The following AP4E1 variants were observed in gnomAD, a reference collection of about 807,000 sequenced individuals.
AP4E1 encodes AP-4 complex subunit epsilon-1.
AP4E1 carries 56 observed loss-of-function variants against 128.2 expected under a neutral mutation model. The observed-to-expected ratio is 0.44, with a 90% CI of 0.35 to 0.55. AP4E1 has a LOEUF of 0.55. AP4E1 is among the 20% of genes least tolerant of loss of function. The pLI is 0.00. For missense variants in AP4E1, 1,324 were observed against 1,307.7 expected, an observed-to-expected ratio of 1.01 and a Z score of -0.19; for synonymous variants, 484 against 473.1, an observed-to-expected ratio of 1.02 and a Z score of -0.30.
Position 50,930,957 on chromosome 15 carries a change from A to G in AP4E1, c.855A>G (p.Gly285=), listed in dbSNP as rs1285508848. The G allele has an allele frequency of 6.2e-7, 1 of 1,614,130 alleles. No homozygotes were observed. The highest frequency in any genetic ancestry group is 1.7e-5 in the Admixed American group (1 of 60,026). ...TCTTGAGAATACTGGGACTTCTAGGAAAAGATGATCAAAGGTAAACTATTT... is the reference window on the plus strand; with the variant it reads ...TCTTGAGAATACTGGGACTTCTAGGGAAAGATGATCAAAGGTAAACTATTT... ...IQLLRILGLL[G]KDDQRTSELM... is the part of the protein sequence containing the mutation. Residue 285 remains glycine (G), a synonymous_variant, in exon 7 of 21, where the codon GGA becomes GGG. Coordinates refer to ENST00000261842, the MANE Select transcript of AP4E1 (RefSeq NM_007347.5).
At chr15:50,952,296 G>T (rs981799015) in intron 13 of AP4E1, among the ~76,000 whole-genome samples, 1 of 151,964 alleles carries the variant, frequency 6.6e-6, no homozygotes, top group Non-Finnish European at 1.5e-5. Flanking sequence ...GGATCACGAG[G>T]TCAGGAGATC....
At chr15:50,984,924 A>G (rs1334914829) in intron 16 of AP4E1, among the ~76,000 whole-genome samples, 2 of 152,224 alleles carry the variant, frequency 1.3e-5, no homozygotes, top group East Asian at 3.9e-4. Context: ...AGTCCCACCA[A>G]CAGTGTAAAA....
intron 15 of AP4E1, among the ~76,000 whole-genome samples, chr15:50,970,073 C>G (rs2064457901): frequency 6.6e-6 from 1 of 152,044 alleles, no homozygotes; most frequent in South Asian, 2.1e-4. Context: ...ATTTTTTATC[C>G]TTTACCCTAT....
intron 8 of AP4E1, among the ~76,000 whole-genome samples, chr15:50,939,215 G>A (rs993377573): frequency 5.3e-5 from 8 of 152,156 alleles, no homozygotes; most frequent in Non-Finnish European, 1.2e-4. Context: ...GCTCATGCCT[G>A]TAATCCCAGC....
At chr15:50,907,958 A>C (rs184005283), upstream of AP4E1, among the ~76,000 whole-genome samples, 5 of 152,278 alleles carry the variant, frequency 3.3e-5, no homozygotes, top group Non-Finnish European at 5.9e-5. Flanking sequence ...AACAGAACCG[A>C]GCGCTGTGAG....
chr15:51,000,066 T>TATATATATAAAA lies in AP4E1; in HGVS notation c.3095+804_3095+805insATATATATAAAA, dbSNP rs2064940009. On this transcript the variant is annotated intron_variant, in intron 19 of 20. Transcript: ENST00000261842. ...CTGAACCCAGAATGCAGAATACCGA[T>TATATATATAAAA]GAATATCTCTATATATTTTTTTAAC... 1.1e-4 allele frequency among the ~76,000 whole-genome samples: 16 copies of TATATATATAAAA among 152,030 alleles called. No homozygotes were observed. The South Asian group carries it at 3.1e-3, about 30-fold the overall frequency.
intron 10 of AP4E1, chr15:50,944,786 A>C: frequency 1.5e-6 from 1 of 665,772 alleles, no homozygotes; most frequent in Non-Finnish European, 2.7e-6. Flanking sequence ...GAGAATATGT[A>C]AGAGCTTTAA....
chr15:50,950,816 G>A (rs570987264), intron 13 of AP4E1, among the ~76,000 whole-genome samples: 1 of 151,976 alleles, frequency 6.6e-6, no homozygotes, highest in Admixed American at 6.6e-5. Flanking sequence ...GTTCCCCTCC[G>A]TGTGTCCTAT....
chr15:50,948,339 CT>C (rs66467957), intron 11 of AP4E1, among the ~76,000 whole-genome samples, 180 bp downstream of exon 11: 43,857 of 121,882 alleles, frequency 0.36, 6,618 homozygotes, highest in East Asian at 0.53. Context: ...TAGGAGATGG[CT>C]TTTTTTTTTT....
rs765951750 is a variant in AP4E1, at chr15:50,925,143, G to C, written c.466G>C (p.Val156Leu). 4 of 1,614,004 alleles carry C rather than the reference G, an allele frequency of 2.5e-6. No homozygotes were observed. In the South Asian group the frequency reaches 3.3e-5, roughly 13 times the overall value. ...AGTAGAAGTGTGTATGGCACTGACT[G>C]TTGTTAGCCAGATTTTCCCCTGCGA... is the stretch of plus-strand genomic sequence containing the variant. ...NLVEVCMALT[V>L]VSQIFPCEMI... The change falls in exon 5 of 21, where the codon GTT becomes CTT. Residue 156 changes from valine (V) to leucine (L), a missense_variant. Physicochemically the swap from Val to Leu is conservative, Grantham distance 32 (BLOSUM62 1). Transcript: ENST00000261842.
chr15:50,978,168 T>A (rs9888662), intron 15 of AP4E1, among the ~76,000 whole-genome samples: 1 of 152,180 alleles, frequency 6.6e-6, no homozygotes, highest in Non-Finnish European at 1.5e-5. Flanking sequence ...ATAGGTGAGA[T>A]GGTGGGGAAC....
chr15:50,979,806 G>A (rs1414072885), intron 15 of AP4E1, among the ~76,000 whole-genome samples: 2 of 151,818 alleles, frequency 1.3e-5, no homozygotes, highest in South Asian at 2.1e-4. Context: ...ATTACCACCC[G>A]GCCATAAATT....
intron 8 of AP4E1, 37 bp from the exon 9 acceptor site, chr15:50,941,405 A>T (rs746961054): frequency 1.2e-6 from 2 of 1,604,448 alleles, no homozygotes. Flanking sequence ...GTTATACCTT[A>T]CCATGATACC....
chr15:50,910,292 G>A (rs975688002), intron 1 of AP4E1, among the ~76,000 whole-genome samples: 2 of 152,152 alleles, frequency 1.3e-5, no homozygotes, highest in African/African-American at 4.8e-5. Flanking sequence ...CCCCACAGGC[G>A]CTCGATGGTT....
intron 16 of AP4E1, among the ~76,000 whole-genome samples, chr15:50,993,041 GAA>G (rs1453178787): frequency 6.6e-6 from 1 of 152,028 alleles, no homozygotes; most frequent in African/African-American, 2.4e-5. Context: ...AGGTATTTTT[GAA>G]AAGTCAGTGG....
chr15:50,973,267 T>G (rs1370443507), intron 15 of AP4E1, among the ~76,000 whole-genome samples: 1 of 152,232 alleles, frequency 6.6e-6, no homozygotes, highest in Admixed American at 6.5e-5. Context: ...CTAGGCATAT[T>G]GAGTTAAGAC....
At chr15:50,949,533 A>T (rs912887103) in intron 11 of AP4E1, among the ~76,000 whole-genome samples, 7 of 152,034 alleles carry the variant, frequency 4.6e-5, no homozygotes, top group African/African-American at 1.7e-4. Context: ...CATTATTTGC[A>T]TCTAGTTAGC....
At chr15:50,965,485 G>A (rs1349160984) in intron 14 of AP4E1, among the ~76,000 whole-genome samples, 2 of 152,110 alleles carry the variant, frequency 1.3e-5, no homozygotes, top group African/African-American at 2.4e-5. Context: ...TTCATGAATC[G>A]GGCAATATCT....
At chr15:50,933,331 C>T (rs1320666147) in intron 7 of AP4E1, among the ~76,000 whole-genome samples, 5 of 151,958 alleles carry the variant, frequency 3.3e-5, no homozygotes, top group African/African-American at 9.7e-5. Flanking sequence ...AAGTTATAAC[C>T]GGATTCTAAA....
Sources: allele counts gnomAD v4.1 joint callset (sites outside exome capture counted in the v4.1 genomes callset), GRCh38; gene constraint gnomAD v4.1.1; transcripts MANE v1.5; gene names NCBI Gene and HGNC (gene_info 2026-07-23, HGNC 2026-07-21).